The following FGF13 variants were observed in gnomAD, a reference collection of about 807,000 sequenced individuals.
The protein encoded by FGF13 is fibroblast growth factor 13, also known as fibroblast growth factor homologous factor 2.
FGF13 carries 2 observed loss-of-function variants against 19.5 expected under a neutral mutation model. The ratio of observed to expected loss-of-function variants is 0.10; its 90% CI spans 0.04 to 0.32. The LOEUF (loss-of-function observed/expected upper bound fraction) is 0.32, where lower values mean the gene tolerates loss of function less well. FGF13 is among the 10% of genes least tolerant of loss of function. The pLI is 1.00. For missense variants in FGF13, 113 were observed against 192.7 expected, an observed-to-expected ratio of 0.59 and a Z score of 2.45; for synonymous variants, 72 against 76.9, an observed-to-expected ratio of 0.94 and a Z score of 0.33.
chrX:138,639,306 G>A (rs1293978018), intron 3 of FGF13, among the ~76,000 whole-genome samples: 1 of 111,950 alleles, frequency 8.9e-6, no homozygotes, highest in Non-Finnish European at 1.9e-5. Context: ...GCTCACTAGT[G>A]CCCTGGAAGA....
intron 1 of FGF13, among the ~76,000 whole-genome samples, chrX:138,938,234 A>G (rs1188328860): frequency 8.9e-6 from 1 of 111,846 alleles, no homozygotes; most frequent in Non-Finnish European, 1.9e-5. Flanking sequence ...ATGTGAAAAG[A>G]GAAGACTGAT....
intron 1 of FGF13, among the ~76,000 whole-genome samples, chrX:139,023,732 C>T (rs147897421): frequency 0.022 from 2,442 of 110,842 alleles, 81 homozygotes; most frequent in African/African-American, 0.075. Flanking sequence ...TTATTGATGA[C>T]GTCATCATGT....
intron 1 of FGF13, among the ~76,000 whole-genome samples, chrX:139,100,041 A>AATAC (rs1455743939): frequency 1.3e-5 from 1 of 76,425 alleles, no homozygotes; most frequent in Non-Finnish European, 2.5e-5. Flanking sequence ...GGGGAAAGCA[A>AATAC]ACACACACAC....
chrX:138,708,804 T>C lies in FGF13; in HGVS notation c.298+14A>G, dbSNP rs1447273953. 1.9e-6 allele frequency: 2 copies of C among 1,078,193 alleles called. No homozygotes were observed. Among genetic ancestry groups the C allele is most frequent in the Non-Finnish European group, 1.3e-6 (1 of 778,535 alleles). 88.9% of individuals were successfully genotyped at this position (1,078,193 alleles called of 1,213,427 possible). ...AACATGCTGGCATATACTATTTATTTTGCAGTCACTTACTGTAAGTGCTGT... is the reference window on the plus strand; with the variant it reads ...AACATGCTGGCATATACTATTTATTCTGCAGTCACTTACTGTAAGTGCTGT... On this transcript the variant is annotated intron_variant, in intron 2 of 4. Coordinates refer to ENST00000315930, the MANE Select transcript of FGF13 (RefSeq NM_004114.5).
At chrX:138,808,683 TAACAAGA>T (rs2090893500) in intron 3 of FGF13, among the ~76,000 whole-genome samples, 1 of 110,122 alleles carries the variant, frequency 9.1e-6, no homozygotes, top group Non-Finnish European at 1.9e-5. Context: ...ACAAAATCAC[TAACAAGA>T]TCACTAGCAA....
At chrX:138,795,223 C>T (rs1295667618) in intron 3 of FGF13, among the ~76,000 whole-genome samples, 1 of 112,063 alleles carries the variant, frequency 8.9e-6, no homozygotes, top group Non-Finnish European at 1.9e-5. Flanking sequence ...CTAAAAATAT[C>T]CTGAGTCTAG....
At chrX:138,983,468 C>T (rs1456111136) in intron 1 of FGF13, among the ~76,000 whole-genome samples, 3 of 98,285 alleles carry the variant, frequency 3.1e-5, no homozygotes, top group Non-Finnish European at 6.1e-5. Context: ...ATCAAGACCA[C>T]AGTGAGAGAT....
intron 1 of FGF13, among the ~76,000 whole-genome samples, chrX:139,007,494 A>C (rs2092107729): frequency 8.9e-6 from 1 of 112,475 alleles, no homozygotes; most frequent in Non-Finnish European, 1.9e-5. Context: ...TATAGACCAA[A>C]TGGGCCTAAT....
chrX:138,833,042 CCA>C (rs778396820), intron 3 of FGF13, among the ~76,000 whole-genome samples: 233 of 111,707 alleles, frequency 2.1e-3, no homozygotes, highest in Non-Finnish European at 3.5e-3. Context: ...TGTACCAGTA[CCA>C]TGTGGTTTTG....
intron 1 of FGF13, among the ~76,000 whole-genome samples, chrX:139,003,143 C>T (rs1370084617): frequency 9.0e-6 from 1 of 111,394 alleles, no homozygotes. Flanking sequence ...CGTCTGGAGT[C>T]TGTCCCTTCT....
intron 4 of FGF13, among the ~76,000 whole-genome samples, chrX:138,634,538 T>C (rs1030706785): frequency 8.9e-5 from 10 of 112,975 alleles, no homozygotes; most frequent in African/African-American, 3.2e-4. Context: ...GGAGAGCAAA[T>C]GTTTTTGAGT....
chrX:138,787,595 G>T (rs1390525281), intron 3 of FGF13, among the ~76,000 whole-genome samples: 1 of 111,597 alleles, frequency 9.0e-6, no homozygotes, highest in Non-Finnish European at 1.9e-5. Context: ...AGAATGTGCA[G>T]GTTTGTTACA....
At chrX:138,947,502 T>TA (rs201729553) in intron 1 of FGF13, among the ~76,000 whole-genome samples, 12,399 of 110,646 alleles carry the variant, frequency 0.11, 859 homozygotes, top group African/African-American at 0.24. Flanking sequence ...GAAGAAAAAA[T>TA]AAAAAATCCT....
intron 1 of FGF13, 136 bp downstream of exon 1, chrX:138,710,681 G>A: frequency 9.5e-7 from 1 of 1,047,595 alleles, no homozygotes; most frequent in South Asian, 2.5e-5. Context: ...GCCTTCCCAC[G>A]CACGCACACA....
At chrX:138,977,832 A>C (rs925982296) in intron 1 of FGF13, among the ~76,000 whole-genome samples, 1 of 112,471 alleles carries the variant, frequency 8.9e-6, no homozygotes, top group African/African-American at 3.2e-5. Context: ...TTTACTATTC[A>C]AAGATTTAAG....
At chrX:138,704,483 A>G (rs1390330401) in intron 2 of FGF13, among the ~76,000 whole-genome samples, 1 of 112,733 alleles carries the variant, frequency 8.9e-6, no homozygotes, top group Non-Finnish European at 1.9e-5. Flanking sequence ...ATAATAAATC[A>G]GTCTGTTATG....
chrX:138,853,581 T>A (rs1043132438), downstream of FGF13, among the ~76,000 whole-genome samples: 1 of 107,630 alleles, frequency 9.3e-6, no homozygotes, highest in Non-Finnish European at 1.9e-5. Flanking sequence ...AGGTTACGAA[T>A]GCCCTAAGGA....
intron 3 of FGF13, among the ~76,000 whole-genome samples, chrX:138,777,651 T>A (rs2090598420): frequency 9.0e-6 from 1 of 111,713 alleles, no homozygotes; most frequent in African/African-American, 3.3e-5. Context: ...CAAGGACCAG[T>A]GGGAGTTCCC....
upstream of FGF13, among the ~76,000 whole-genome samples, chrX:138,741,723 T>C (rs1477839666): frequency 1.8e-5 from 2 of 112,088 alleles, no homozygotes; most frequent in Non-Finnish European, 3.8e-5. Flanking sequence ...AAGTGTCTTG[T>C]TCTCCAATTG....
Sources: allele counts gnomAD v4.1 joint callset (sites outside exome capture counted in the v4.1 genomes callset), GRCh38; gene constraint gnomAD v4.1.1; transcripts MANE v1.5; gene names NCBI Gene and HGNC (gene_info 2026-07-23, HGNC 2026-07-21).